GTF3C1: variants seen among roughly 807,000 people sequenced by gnomAD.
The protein encoded by GTF3C1 is general transcription factor IIIC subunit 1.
A neutral mutation model predicts 226.7 loss-of-function variants in GTF3C1; 57 were observed. The observed-to-expected ratio is 0.25, with a 90% CI of 0.20 to 0.31. The LOEUF is 0.31. Ranked by LOEUF, GTF3C1 falls within the 10% of genes least tolerant of loss-of-function variation. The pLI is 1.00. For synonymous variants in GTF3C1, 1,090 were observed against 1,084.8 expected (o/e 1.00, Z -0.09); for missense variants, 2,217 against 2,776.1 (o/e 0.80, Z 4.53).
At chr16:27,510,675 G>A (rs1169369299) in intron 7 of GTF3C1, among the ~76,000 whole-genome samples, 1 of 152,244 alleles carries the variant, frequency 6.6e-6, no homozygotes, top group Non-Finnish European at 1.5e-5. Flanking sequence ...CGACCCAACA[G>A]CTCAATCAGA....
chr16:27,539,498 T>C (rs548700759), intron 2 of GTF3C1, among the ~76,000 whole-genome samples: 2 of 152,310 alleles, frequency 1.3e-5, no homozygotes, highest in African/African-American at 4.8e-5. Context: ...CTTGAGCAAA[T>C]TGACCTGCTC....
intron 32 of GTF3C1, among the ~76,000 whole-genome samples, chr16:27,467,899 G>A (rs1371006405): frequency 5.3e-5 from 8 of 152,068 alleles, no homozygotes; most frequent in African/African-American, 9.7e-5. Context: ...AATACATTTC[G>A]TAAAGCTATA....
chr16:27,523,262 G>A (rs920155107), intron 6 of GTF3C1, among the ~76,000 whole-genome samples: 5 of 152,034 alleles, frequency 3.3e-5, no homozygotes, highest in South Asian at 4.1e-4. Context: ...AGTTCAGGGG[G>A]GCTGTTTACA....
chr16:27,509,008 G>A (rs2088530403), intron 7 of GTF3C1, among the ~76,000 whole-genome samples: 1 of 152,150 alleles, frequency 6.6e-6, no homozygotes, highest in African/African-American at 2.4e-5. Context: ...TGAATGAACT[G>A]TTTCAGATCA....
chr16:27,536,288 T>C (rs191058750), intron 4 of GTF3C1, among the ~76,000 whole-genome samples: 3 of 152,314 alleles, frequency 2.0e-5, no homozygotes, highest in Non-Finnish European at 4.4e-5. Flanking sequence ...AGTTAAGTTT[T>C]TGGGGAGTCA....
In GTF3C1 at chr16:27,489,728, G is replaced by A. The variant is rs368868218; in HGVS notation, c.3167C>T (p.Pro1056Leu). 21 of 1,611,556 alleles carry A rather than the reference G, an allele frequency of 1.3e-5. No homozygotes were observed. Among genetic ancestry groups the A allele is most frequent in the South Asian group, 5.5e-5 (5 of 90,840 alleles). Residue 1056 changes from proline (P) to leucine (L), a missense_variant, in exon 20 of 37, where the codon CCG (proline) becomes CTG (leucine). Physicochemically the swap from Pro to Leu is moderately conservative, Grantham distance 98. This residue lies in a region of GTF3C1 where 353 missense variants were observed against 411.7 expected (regional missense o/e 0.86). Coordinates refer to ENST00000356183, the MANE Select transcript of GTF3C1 (RefSeq NM_001520.4). ...LNTPLGVVRC[P>L]RVRKNSSTDQ... ...TGTGCTGCTGTTCTTCCTGACGCGC[G>A]GGCAGCGCACCACGCCTGGAAAACC...
At chr16:27,515,433 T>A (rs2088641823) in intron 6 of GTF3C1, among the ~76,000 whole-genome samples, 1 of 148,228 alleles carries the variant, frequency 6.7e-6, no homozygotes, top group African/African-American at 2.5e-5. Flanking sequence ...TGGGCAAGAG[T>A]GAGACTCTGT....
chr16:27,477,103 A>G (rs1296046554), intron 28 of GTF3C1, among the ~76,000 whole-genome samples: 1 of 152,198 alleles, frequency 6.6e-6, no homozygotes, highest in Non-Finnish European at 1.5e-5. Flanking sequence ...ATCTGTTCCA[A>G]CTATAGCTGA....
chr16:27,480,839 C>T (rs1227716920), intron 27 of GTF3C1: 1 of 487,954 alleles, frequency 2.0e-6, no homozygotes, highest in African/African-American at 1.9e-5. Flanking sequence ...AAAAAGTACA[C>T]CAACCAAACA....
In GTF3C1 at chr16:27,469,770, C is replaced by T. The variant is rs1303625647; in HGVS notation, c.4815-220G>A. 6.6e-6 allele frequency among the ~76,000 whole-genome samples: 1 copy of T among 152,168 alleles called. No individual in the cohort carries two copies. Among genetic ancestry groups the T allele is most frequent in the Non-Finnish European group, 1.5e-5 (1 of 68,032 alleles). Reference sequence around the variant, plus strand: ...CACCCCTTGTCACATAGCTGTATCTCTGTGGGGACTGTTCCTTTTGCCCGT... The same window carrying T: ...CACCCCTTGTCACATAGCTGTATCTTTGTGGGGACTGTTCCTTTTGCCCGT... On this transcript the variant is annotated intron_variant, in intron 31 of 36. Coordinates refer to ENST00000356183, the MANE Select transcript of GTF3C1 (RefSeq NM_001520.4). This position sits in a 1 kb window ranked among gnomAD's most constrained non-coding sequence, Gnocchi z 4.5.
At chr16:27,502,826 AGCAG>A in intron 11 of GTF3C1, 29 bp downstream of exon 11, 1 of 1,549,848 alleles carries the variant, frequency 6.5e-7, no homozygotes, top group South Asian at 1.2e-5. Context: ...TGTTAGTGCC[AGCAG>A]ACAGACAGAC....
chr16:27,502,955 C>T lies in GTF3C1; in HGVS notation c.1811G>A (p.Gly604Asp). The change falls in exon 11 of 37, where the codon GGC becomes GAC. Residue 604 changes from glycine to aspartate, a missense_variant. This residue lies in a region of GTF3C1 where 173 missense variants were observed against 207.2 expected (regional missense o/e 0.83). Transcript: ENST00000356183. ...GTAAGTTTCGTGTGGTTTGTCTTGG[C>T]CTGAGCTGTGCCTCCCAGTCTTCAG... ...SSLKTGRHSS[G>D]QDKPHETYRL... 1 of 1,613,006 alleles carries T rather than the reference C, an allele frequency of 6.2e-7. No homozygotes were observed. The highest frequency in any genetic ancestry group is 8.5e-7 in the Non-Finnish European group (1 of 1,179,044).
rs1467258344 is a variant in GTF3C1 at position 27,494,833 on chromosome 16, G to A, written c.2708C>T (p.Ala903Val). ...GCAGAGGAGGATGTCGCTGACGAGA[G>A]CCCAGCCAAAGCCGAAGTCCCTGTG... ...PVHRDFGFGW[A>V]LVSDILLCLP... Residue 903 changes from alanine (A) to valine (V), a missense_variant, in exon 16 of 37, where the codon GCT becomes GTT. Ala to Val is a moderately conservative substitution (Grantham distance 64). Transcript: ENST00000356183. The A allele has an allele frequency of 1.9e-6, 3 of 1,611,514 alleles. No homozygotes were observed. Among genetic ancestry groups the A allele is most frequent in the Non-Finnish European group, 2.5e-6 (3 of 1,177,678 alleles).
Position 27,498,709 on chromosome 16 carries a change from T to G in GTF3C1, c.2086A>C (p.Met696Leu). The change falls in exon 13 of 37, where the codon ATG (methionine) becomes CTG (leucine). Residue 696 changes from methionine to leucine, a missense_variant. Met to Leu is a conservative substitution (Grantham distance 15, BLOSUM62 2). Around this residue, in one of 12 missense-constraint regions of GTF3C1, gnomAD observed 100 missense variants for 139.9 expected, o/e 0.71. Coordinates refer to ENST00000356183, the MANE Select transcript of GTF3C1 (RefSeq NM_001520.4). ...KKVDLVVHPSMDQNDPLVRSA... is the reference protein window; with the variant it reads ...KKVDLVVHPSLDQNDPLVRSA... Reference sequence around the variant, plus strand: ...CTCACTAGAGGGTCGTTCTGGTCCATGGACGGGTGCACCACCAGATCCACC... The same window carrying G: ...CTCACTAGAGGGTCGTTCTGGTCCAGGGACGGGTGCACCACCAGATCCACC... 1 of 1,595,526 alleles carries G rather than the reference T, an allele frequency of 6.3e-7. No homozygotes were observed. Among genetic ancestry groups the G allele is most frequent in the Non-Finnish European group, 8.6e-7 (1 of 1,162,998 alleles).
chr16:27,535,164 A>C (rs1022379776), intron 4 of GTF3C1, among the ~76,000 whole-genome samples: 4 of 152,210 alleles, frequency 2.6e-5, no homozygotes, highest in Non-Finnish European at 5.9e-5. Flanking sequence ...TGCAGGATGA[A>C]ATCAAATCTG....
At chr16:27,541,020 T>C (rs2089073678) in intron 2 of GTF3C1, among the ~76,000 whole-genome samples, 2 of 152,178 alleles carry the variant, frequency 1.3e-5, no homozygotes, top group Admixed American at 6.5e-5. Context: ...TTTGTACTTT[T>C]AGTAGAGATG....
chr16:27,471,376 C>T lies in GTF3C1; in HGVS notation c.4526+372G>A, dbSNP rs971593550. On this transcript the variant is annotated intron_variant, in intron 30 of 36. Transcript: ENST00000356183. The surrounding 1 kb of genome is among the most constrained non-coding windows in gnomAD (Gnocchi z 5.0). ...CTGGCTGTTGGTGCTGCGAATGGGCCCAGGAGGCTTCCCAGGTCTCAGGGC... is the reference window on the plus strand; with the variant it reads ...CTGGCTGTTGGTGCTGCGAATGGGCTCAGGAGGCTTCCCAGGTCTCAGGGC... Among the ~76,000 whole-genome samples the T allele has an allele frequency of 2.6e-5, 4 of 152,202 alleles. No homozygotes were observed. Among genetic ancestry groups the T allele is most frequent in the African/African-American group, 9.7e-5 (4 of 41,440 alleles).
intron 5 of GTF3C1, among the ~76,000 whole-genome samples, chr16:27,529,253 G>C (rs2088878925): frequency 6.6e-6 from 1 of 152,124 alleles, no homozygotes; most frequent in Non-Finnish European, 1.5e-5. Flanking sequence ...GACCAGCCTG[G>C]CCAACATGGC....
chr16:27,525,023 G>A (rs543516787), intron 6 of GTF3C1, among the ~76,000 whole-genome samples: 10 of 152,112 alleles, frequency 6.6e-5, no homozygotes, highest in South Asian at 4.2e-4. Flanking sequence ...GTGTGGTGGC[G>A]CACGCCTGTA....
Sources: gnomAD v4.1 joint callset for allele counts (sites outside exome capture counted in the v4.1 genomes callset) on GRCh38, gnomAD v4.1.1 for gene constraint, gnomAD v4.1.1 regional missense constraint, Gnocchi (gnomAD v3.1) non-coding constraint, MANE v1.5 for transcripts, NCBI Gene and HGNC (gene_info 2026-07-23, HGNC 2026-07-21) for gene names.